The following EPC1 variants were observed in gnomAD, a reference collection of about 807,000 sequenced individuals.
The protein encoded by EPC1 is enhancer of polycomb 1.
EPC1 carries 12 observed loss-of-function variants against 98.4 expected under a neutral mutation model. The ratio of observed to expected loss-of-function variants is 0.12; its 90% confidence interval spans 0.08 to 0.20. EPC1 has a LOEUF of 0.20. EPC1 is among the 10% of genes least tolerant of loss of function. The pLI, the probability that EPC1 is intolerant of heterozygous loss-of-function variation, is 1.00. For missense variants in EPC1, 729 were observed against 990.5 expected (o/e 0.74, Z 3.54); for synonymous variants, 357 against 363.9 (o/e 0.98, Z 0.21).
At chr10:32,288,098 G>A (rs182853983) in intron 6 of EPC1, among the ~76,000 whole-genome samples, 1 of 152,204 alleles carries the variant, frequency 6.6e-6, no homozygotes, top group Admixed American at 6.5e-5. Flanking sequence ...AAATATTCAT[G>A]TTACATTTTA....
intron 1 of EPC1, among the ~76,000 whole-genome samples, chr10:32,341,655 A>T (rs1838362928): frequency 6.6e-6 from 1 of 152,224 alleles, no homozygotes; most frequent in Admixed American, 6.5e-5. Flanking sequence ...ACTGAAACAA[A>T]AGTTAATACT....
chr10:32,324,384 G>A (rs542813859), intron 1 of EPC1, among the ~76,000 whole-genome samples: 53 of 151,166 alleles, frequency 3.5e-4, no homozygotes, highest in Non-Finnish European at 6.3e-4. Flanking sequence ...AGTGAAACCC[G>A]TCTCTGCGTG....
intron 1 of EPC1, among the ~76,000 whole-genome samples, chr10:32,354,474 G>A (rs551465629): frequency 1.3e-5 from 2 of 152,020 alleles, no homozygotes; most frequent in African/African-American, 2.4e-5. Flanking sequence ...AAGAAAATGC[G>A]TGATTTAAAC....
Position 32,271,683 on chromosome 10 carries a change from G to T in EPC1, c.2240C>A (p.Ala747Asp). Residue 747 changes from alanine to aspartate, a missense_variant, in exon 13 of 14, where the codon GCC (alanine) becomes GAC (aspartate). This residue lies in a region of EPC1 where 156 missense variants were observed against 188.9 expected (regional missense o/e 0.83). Coordinates refer to ENST00000319778, the MANE Select transcript of EPC1 (RefSeq NM_001272004.3). ...AGGTATATGTCGTGCATTTATTGGG[G>T]CAATAGAGTTTACAGTGGCAACTGA... ...PSSVATVNSI[A>D]PINARHIPRT... 1 of 1,614,182 alleles carries T rather than the reference G, an allele frequency of 6.2e-7. No individual in the cohort carries two copies. The highest frequency in any genetic ancestry group is 2.2e-5 in the East Asian group (1 of 44,880).
chr10:32,363,114 C>T (rs537402788), intron 1 of EPC1, among the ~76,000 whole-genome samples: 1 of 152,168 alleles, frequency 6.6e-6, no homozygotes, highest in Non-Finnish European at 1.5e-5. Flanking sequence ...CACTCTGTCA[C>T]CTGGGCTAGA....
chr10:32,294,619 T>C (rs1257943983), intron 2 of EPC1, among the ~76,000 whole-genome samples: 1 of 152,232 alleles, frequency 6.6e-6, no homozygotes, highest in Non-Finnish European at 1.5e-5. Context: ...GCGAACACTG[T>C]CATGCTGATG....
intron 1 of EPC1, among the ~76,000 whole-genome samples, chr10:32,345,802 T>G (rs1455720760): frequency 6.6e-6 from 1 of 152,222 alleles, no homozygotes; most frequent in Non-Finnish European, 1.5e-5. Flanking sequence ...TAGTTTTAGT[T>G]CGGTTTTGAA....
At chr10:32,338,008 C>A (rs1463898608) in intron 1 of EPC1, among the ~76,000 whole-genome samples, 1 of 152,222 alleles carries the variant, frequency 6.6e-6, no homozygotes, top group African/African-American at 2.4e-5. Context: ...GCATTCCATG[C>A]GATTCATAAG....
At chr10:32,332,563 A>G (rs1181325647) in intron 1 of EPC1, among the ~76,000 whole-genome samples, 3 of 152,180 alleles carry the variant, frequency 2.0e-5, no homozygotes, top group Non-Finnish European at 2.9e-5. Flanking sequence ...CTGTGAAGAC[A>G]CACAGGTAGT....
Position 32,286,756 on chromosome 10 carries a change from A to G in EPC1, c.1329T>C (p.Thr443=), listed in dbSNP as rs1481883141. The G allele has an allele frequency of 6.2e-7, 1 of 1,614,094 alleles. No homozygotes were observed. The highest frequency in any genetic ancestry group is 1.3e-5 in the African/African-American group (1 of 74,918). ...TACACCTTTGGGGTACGGTGAGAGT[A>G]GTTAAGCAGTATCTATATCGCACAT... ...LGDVRYRYCL[T]TLTVPQRCIG... is the part of the protein sequence containing the mutation. The change falls in exon 9 of 14, where the codon ACT becomes ACC. Residue 443 remains threonine, a synonymous_variant. Transcript: ENST00000319778.
chr10:32,326,463 G>GA (rs1344346433), intron 1 of EPC1, among the ~76,000 whole-genome samples: 3 of 151,800 alleles, frequency 2.0e-5, no homozygotes, highest in African/African-American at 4.8e-5. Context: ...ACAAGAATAA[G>GA]AAAAAAAACT....
intron 1 of EPC1, among the ~76,000 whole-genome samples, chr10:32,362,062 A>G (rs1839457909): frequency 6.6e-6 from 1 of 152,178 alleles, no homozygotes; most frequent in African/African-American, 2.4e-5. Flanking sequence ...CAGATACTTA[A>G]GAAATAACCA....
Position 32,347,080 on chromosome 10 carries a change from G to A in EPC1, c.-165C>T. On this transcript the variant is annotated 5_prime_UTR_variant, in exon 1 of 14. Transcript: ENST00000319778. ...CTAACACCAGCCGGGAGGGTGGGAGGCTGTGCCGCTCCGCTCCTCTCTCGC... is the reference window on the plus strand; with the variant it reads ...CTAACACCAGCCGGGAGGGTGGGAGACTGTGCCGCTCCGCTCCTCTCTCGC... The A allele has an allele frequency of 6.9e-7, 1 of 1,448,328 alleles. No individual in the cohort carries two copies. Among genetic ancestry groups the A allele is most frequent in the Non-Finnish European group, 9.0e-7 (1 of 1,107,180 alleles). The allele number at this position is 1,448,328 out of a possible 1,614,324, so 89.7% of individuals were successfully genotyped here. A position where few individuals can be genotyped will look rare whatever the true frequency, so the allele number is the denominator to read the frequency against.
Position 32,298,750 on chromosome 10 carries a change from A to G in EPC1, c.314-5013T>C, listed in dbSNP as rs144757249. Among the ~76,000 whole-genome samples the G allele has an allele frequency of 5.9e-5, 9 of 152,336 alleles. No homozygotes were observed. In the East Asian group the frequency reaches 1.3e-3, roughly 23 times the overall value. On this transcript the variant is annotated intron_variant, in intron 2 of 13. Coordinates refer to ENST00000319778, the MANE Select transcript of EPC1 (RefSeq NM_001272004.3). ...GAATATTAGATTTGAAATCTCAGAT[A>G]TAAGATCTTTCGTACATAAAGTTCT...
chr10:32,327,416 C>T (rs1837364149), intron 1 of EPC1, among the ~76,000 whole-genome samples: 1 of 152,096 alleles, frequency 6.6e-6, no homozygotes, highest in Non-Finnish European at 1.5e-5. Context: ...CTAACGACAG[C>T]ACATTATATG....
rs761805840 is a variant in EPC1 at position 32,284,862 on chromosome 10, C to T, written c.1580G>A (p.Arg527Gln). Residue 527 changes from arginine (R) to glutamine (Q), a missense_variant, in exon 10 of 14, where the codon CGG (arginine) becomes CAG (glutamine). By Grantham distance (43) the Arg-to-Gln change is conservative (BLOSUM62 1). Coordinates refer to ENST00000319778, the MANE Select transcript of EPC1 (RefSeq NM_001272004.3). The part of the protein sequence containing the change: ...ILVNIKSCRW[R>Q]HFRPRTPSLH... ...GGATGGTGTCCGAGGCCTAAAATGC[C>T]GCCATCTACATGATTTGATATTGAC... The T allele has an allele frequency of 3.9e-5, 63 of 1,613,974 alleles. No individual in the cohort carries two copies. Among genetic ancestry groups the T allele is most frequent in the Non-Finnish European group, 5.1e-5 (60 of 1,180,024 alleles).
At chr10:32,357,999 T>C (rs1839330371) in intron 1 of EPC1, among the ~76,000 whole-genome samples, 1 of 151,702 alleles carries the variant, frequency 6.6e-6, no homozygotes, top group South Asian at 2.1e-4. Context: ...GGATTACAGG[T>C]GCCTGCCACC....
intron 10 of EPC1, among the ~76,000 whole-genome samples, chr10:32,279,297 A>G (rs980118588): frequency 2.0e-5 from 3 of 151,860 alleles, no homozygotes; most frequent in South Asian, 2.1e-4. Context: ...GCAGTGAGCC[A>G]AGATCGTGCT....
upstream of EPC1, among the ~76,000 whole-genome samples, chr10:32,349,969 G>A (rs1839063700): frequency 6.6e-6 from 1 of 152,126 alleles, no homozygotes. Flanking sequence ...TAAAGATTCA[G>A]GTTTAGTTTT....
Sources: gnomAD v4.1 joint callset for allele counts (sites outside exome capture counted in the v4.1 genomes callset) on GRCh38, gnomAD v4.1.1 for gene constraint, gnomAD v4.1.1 regional missense constraint, MANE v1.5 for transcripts, NCBI Gene and HGNC (gene_info 2026-07-23, HGNC 2026-07-21) for gene names.